CCSER1: variants seen among roughly 807,000 people sequenced by gnomAD.
CCSER1 encodes the protein serine-rich coiled-coil domain-containing protein 1.
A neutral mutation model predicts 82.0 loss-of-function variants in CCSER1; 41 were observed. The ratio of observed to expected loss-of-function variants is 0.50; its 90% CI spans 0.39 to 0.65. The LOEUF is 0.65. CCSER1 is among the 30% of genes least tolerant of loss of function. The pLI is 0.00. For missense variants in CCSER1, 1,119 were observed against 1,064.2 expected, an observed-to-expected ratio of 1.05 and a Z score of -0.72; for synonymous variants, 414 against 383.9, an observed-to-expected ratio of 1.08 and a Z score of -0.92.
intron 1 of CCSER1, among the ~76,000 whole-genome samples, chr4:90,246,427 A>G (rs1437594034): frequency 6.6e-6 from 1 of 152,104 alleles, no homozygotes; most frequent in Non-Finnish European, 1.5e-5. Context: ...AATTCCTCTT[A>G]TTTTTAGGAG....
intron 7 of CCSER1, among the ~76,000 whole-genome samples, chr4:90,810,871 C>T (rs1389274176): frequency 1.2e-4 from 15 of 128,852 alleles, no homozygotes; most frequent in Admixed American, 9.8e-4. Flanking sequence ...CTCGCTCTGT[C>T]GCCCAGGCTG....
chr4:91,136,952 C>A (rs925092256), intron 10 of CCSER1, among the ~76,000 whole-genome samples: 2 of 151,774 alleles, frequency 1.3e-5, no homozygotes, highest in Non-Finnish European at 2.9e-5. Flanking sequence ...ACTAAAAACC[C>A]TAACTTAATA....
At chr4:91,180,262 C>T (rs1241551084) in intron 10 of CCSER1, among the ~76,000 whole-genome samples, 1 of 152,218 alleles carries the variant, frequency 6.6e-6, no homozygotes, top group African/African-American at 2.4e-5. Context: ...GGGTCAGGGA[C>T]TGACTTGAGG....
chr4:91,352,370 C>T (rs1398120759), intron 10 of CCSER1, among the ~76,000 whole-genome samples: 2 of 152,168 alleles, frequency 1.3e-5, no homozygotes, highest in Non-Finnish European at 2.9e-5. Flanking sequence ...CCTCAGCCTC[C>T]CAAGTAGCTG....
chr4:90,879,488 GGAA>G (rs35201115), intron 8 of CCSER1, among the ~76,000 whole-genome samples: 33,185 of 117,546 alleles, frequency 0.28, 4,334 homozygotes, highest in African/African-American at 0.4. Context: ...TAATAAAAGA[GGAA>G]GAAGAAGAAG....
At chr4:90,276,283 C>A (rs1228451220) in intron 1 of CCSER1, among the ~76,000 whole-genome samples, 1 of 126,124 alleles carries the variant, frequency 7.9e-6, no homozygotes, top group South Asian at 2.7e-4. Context: ...TCCTTCCTTC[C>A]TTCCTTCCTT....
At chr4:91,035,194 A>G (rs1460233793) in intron 9 of CCSER1, among the ~76,000 whole-genome samples, 4 of 152,184 alleles carry the variant, frequency 2.6e-5, no homozygotes, top group African/African-American at 4.8e-5. Flanking sequence ...ATCATTTGCT[A>G]GAATTTGACC....
chr4:91,172,079 G>T (rs1448450574), intron 10 of CCSER1, among the ~76,000 whole-genome samples: 3 of 151,928 alleles, frequency 2.0e-5, no homozygotes, highest in Admixed American at 1.3e-4. Context: ...AAAGCCCATT[G>T]ATATAAATGG....
Position 90,977,282 on chromosome 4 carries a change from A to G in CCSER1, c.2172+53835A>G, listed in dbSNP as rs981778318. Among the ~76,000 whole-genome samples, 13 of 151,636 alleles carry G rather than the reference A, an allele frequency of 8.6e-5. No individual in the cohort carries two copies. In the South Asian group the frequency reaches 1.7e-3, roughly 19 times the overall value. ...CTGGCCACCTACCTCCAGCCTTCTT[A>G]AGAAACAAAACTAAATTCCTAACTT... On this transcript the variant is annotated intron_variant, in intron 9 of 10. Coordinates refer to ENST00000509176, the MANE Select transcript of CCSER1 (RefSeq NM_001145065.2).
intron 10 of CCSER1, among the ~76,000 whole-genome samples, chr4:91,291,434 G>C (rs1743735132): frequency 6.6e-6 from 1 of 152,006 alleles, no homozygotes; most frequent in African/African-American, 2.4e-5. Flanking sequence ...AAAGAAAAGA[G>C]GTTTAATTGG....
intron 8 of CCSER1, among the ~76,000 whole-genome samples, chr4:90,824,604 A>G (rs1760175234): frequency 6.6e-6 from 1 of 152,152 alleles, no homozygotes; most frequent in Admixed American, 6.5e-5. Context: ...TTCCTGCATG[A>G]TAAGAGAAAC....
intron 5 of CCSER1, among the ~76,000 whole-genome samples, chr4:90,527,114 A>G (rs1409475734): frequency 1.3e-5 from 2 of 152,230 alleles, no homozygotes. Context: ...TAATTAAACT[A>G]AAAAGCTTCT....
intron 3 of CCSER1, among the ~76,000 whole-genome samples, chr4:90,317,097 C>G (rs922499825): frequency 6.6e-6 from 1 of 152,160 alleles, no homozygotes; most frequent in Non-Finnish European, 1.5e-5. Context: ...CAGGAAGTTT[C>G]TCTCCAGACT....
chr4:91,286,278 A>G (rs1743268114), intron 10 of CCSER1, among the ~76,000 whole-genome samples: 1 of 151,784 alleles, frequency 6.6e-6, no homozygotes, highest in Non-Finnish European at 1.5e-5. Context: ...CCACACAAAT[A>G]TGCATTTATT....
At chr4:90,876,954 T>G (rs910269985) in intron 8 of CCSER1, among the ~76,000 whole-genome samples, 1 of 152,130 alleles carries the variant, frequency 6.6e-6, no homozygotes, top group Non-Finnish European at 1.5e-5. Context: ...TGACTCATCT[T>G]TTCTTTAGCT....
chr4:91,546,878 TAAAC>T (rs1284338002), intron 10 of CCSER1, among the ~76,000 whole-genome samples: 1 of 151,926 alleles, frequency 6.6e-6, no homozygotes, highest in East Asian at 1.9e-4. Context: ...AATGTCCTAC[TAAAC>T]AATGTTTTCT....
rs561634921 is a variant in CCSER1, at chr4:91,360,117, A to G, written c.2218-238455A>G. Among the ~76,000 whole-genome samples the G allele has an allele frequency of 9.2e-5, 14 of 151,930 alleles. No individual in the cohort carries two copies. The Middle Eastern group carries it at 0.01, about 111-fold the overall frequency. On this transcript the variant is annotated intron_variant, in intron 10 of 10. Coordinates refer to ENST00000509176, the MANE Select transcript of CCSER1 (RefSeq NM_001145065.2). ...GATTAATGGTAGTGTGGCACCATAT[A>G]GTTCAAAATTTGAAATTGAAAGAGT...
intron 5 of CCSER1, among the ~76,000 whole-genome samples, chr4:90,578,868 G>A (rs990528025): frequency 6.6e-6 from 1 of 152,024 alleles, no homozygotes; most frequent in Non-Finnish European, 1.5e-5. Context: ...CTACTTCAGA[G>A]GAACCTTGAG....
At chr4:91,028,963 T>G (rs897051314) in intron 9 of CCSER1, among the ~76,000 whole-genome samples, 1 of 152,050 alleles carries the variant, frequency 6.6e-6, no homozygotes, top group Non-Finnish European at 1.5e-5. Flanking sequence ...TGAAGTTACT[T>G]TGAACTAAAA....
Sources: allele counts gnomAD v4.1 joint callset (sites outside exome capture counted in the v4.1 genomes callset), GRCh38; gene constraint gnomAD v4.1.1; transcripts MANE v1.5; gene names NCBI Gene and HGNC (gene_info 2026-07-23, HGNC 2026-07-21).